Variants in ERC2 observed in about 807,000 individuals in gnomAD.
ERC2 encodes ERC protein 2.
Under a neutral mutation model 114.8 loss-of-function variants are expected in ERC2, and 42 were observed. The ratio of observed to expected loss-of-function variants is 0.37; its 90% CI spans 0.29 to 0.47. ERC2 has a LOEUF of 0.47. Among genes scored for constraint, ERC2 ranks in the 20% least tolerant of loss-of-function variants. ERC2 has a pLI of 0.99. For missense variants in ERC2, 939 were observed against 1,150.7 expected (o/e 0.82, Z 2.66); for synonymous variants, 454 against 425.5 (o/e 1.07, Z -0.82).
chr3:56,218,787 C>T (rs1449430250), intron 3 of ERC2, among the ~76,000 whole-genome samples: 2 of 152,116 alleles, frequency 1.3e-5, no homozygotes, highest in African/African-American at 4.8e-5. Flanking sequence ...GGCACATATA[C>T]ACCATGGAAT....
chr3:55,742,889 G>T (rs971142443), intron 14 of ERC2, among the ~76,000 whole-genome samples: 1 of 152,232 alleles, frequency 6.6e-6, no homozygotes, highest in African/African-American at 2.4e-5. Context: ...CCAGCAGAAT[G>T]ATGTATGATA....
chr3:56,327,224 G>A (rs554957450), intron 2 of ERC2, among the ~76,000 whole-genome samples: 30 of 152,314 alleles, frequency 2.0e-4, no homozygotes, highest in Admixed American at 3.3e-4. Flanking sequence ...GAAGCCTCAG[G>A]AAACTTACAA....
At chr3:56,030,435 T>C (rs1189752417) in intron 7 of ERC2, among the ~76,000 whole-genome samples, 2 of 152,208 alleles carry the variant, frequency 1.3e-5, no homozygotes, top group African/African-American at 2.4e-5. Flanking sequence ...CAAACTATAA[T>C]TGTGAATTCG....
At chr3:56,014,954 T>C (rs1284853445) in intron 8 of ERC2, among the ~76,000 whole-genome samples, 2 of 152,188 alleles carry the variant, frequency 1.3e-5, no homozygotes, top group African/African-American at 2.4e-5. Context: ...CAAAAAGTCA[T>C]CTTATTAAAT....
In ERC2 at chr3:56,434,844, G is replaced by A; in HGVS notation, c.164C>T (p.Ala55Val). 1 of 1,613,874 alleles carries A rather than the reference G, an allele frequency of 6.2e-7. No homozygotes were observed. Among genetic ancestry groups the A allele is most frequent in the Non-Finnish European group, 8.5e-7 (1 of 1,179,866 alleles). ...ATACATGGGTCCAGACGTAGCATAG[G>A]CTGCATTGAGGGACTGGATATTCTC... is the stretch of plus-strand genomic sequence containing the variant. Reference protein sequence around the residue: ...SMENIQSLNAAYATSGPMYLS... With the variant: ...SMENIQSLNAVYATSGPMYLS... The change falls in exon 2 of 18, where the codon GCC becomes GTC. Residue 55 changes from alanine (A) to valine (V), a missense_variant. By Grantham distance (64) the Ala-to-Val change is moderately conservative. This residue lies in a region of ERC2 where 281 missense variants were observed against 307.4 expected (regional missense o/e 0.91). Coordinates refer to ENST00000288221, the MANE Select transcript of ERC2 (RefSeq NM_015576.3).
intron 8 of ERC2, among the ~76,000 whole-genome samples, chr3:56,011,033 C>G (rs529239171): frequency 4.6e-5 from 7 of 152,330 alleles, no homozygotes; most frequent in Non-Finnish European, 7.3e-5. Context: ...TCATTGGTTT[C>G]TGAAGACTGT....
intron 13 of ERC2, among the ~76,000 whole-genome samples, chr3:55,894,392 C>A (rs1408745115): frequency 2.0e-5 from 3 of 151,940 alleles, no homozygotes; most frequent in African/African-American, 7.2e-5. Flanking sequence ...TATTAAAATG[C>A]CCAGAAGAAG....
intron 15 of ERC2, among the ~76,000 whole-genome samples, chr3:55,731,336 G>T (rs1282149403): frequency 6.6e-6 from 1 of 152,204 alleles, no homozygotes; most frequent in Non-Finnish European, 1.5e-5. Context: ...TACCTCTGAG[G>T]GTTGGCAGTG....
rs1434769701 is a variant in ERC2 at position 55,876,841 on chromosome 3, A to G, written c.2564+11548T>C. On this transcript the variant is annotated intron_variant, in intron 14 of 17. Coordinates refer to ENST00000288221, the MANE Select transcript of ERC2 (RefSeq NM_015576.3). The stretch of plus-strand genomic sequence containing the variant: ...GGATTTGAATCTGAGAACTGTGTCA[A>G]TTCCACTGGGGAGCTACATAGTGAG... 3.3e-5 allele frequency among the ~76,000 whole-genome samples: 5 copies of G among 152,316 alleles called. No individual in the cohort carries two copies. The South Asian group carries it at 6.2e-4, about 19-fold the overall frequency.
intron 2 of ERC2, among the ~76,000 whole-genome samples, chr3:56,428,578 A>G (rs1337061824): frequency 8.6e-6 from 1 of 115,876 alleles, no homozygotes; most frequent in Non-Finnish European, 1.9e-5. Context: ...GGAGGGGAGA[A>G]AAGAATTATT....
intron 2 of ERC2, among the ~76,000 whole-genome samples, chr3:56,304,384 G>C (rs572574796): frequency 6.6e-6 from 1 of 152,290 alleles, no homozygotes; most frequent in South Asian, 2.1e-4. Context: ...TACATAATCT[G>C]ACTCTAGAAG....
At chr3:55,671,460 C>T (rs1291418276) in intron 17 of ERC2, among the ~76,000 whole-genome samples, 2 of 152,158 alleles carry the variant, frequency 1.3e-5, no homozygotes, top group Non-Finnish European at 2.9e-5. Flanking sequence ...TAACTTGGGA[C>T]AGTGGTGGGC....
chr3:56,311,839 G>A (rs1407895107), intron 2 of ERC2, among the ~76,000 whole-genome samples: 2 of 151,504 alleles, frequency 1.3e-5, no homozygotes, highest in Non-Finnish European at 2.9e-5. Context: ...GTGTGTGTGT[G>A]TGTGTGTGTG....
At chr3:55,827,894 G>T (rs2060397245) in intron 14 of ERC2, among the ~76,000 whole-genome samples, 1 of 152,156 alleles carries the variant, frequency 6.6e-6, no homozygotes, top group Non-Finnish European at 1.5e-5. Flanking sequence ...TGTCATTTGG[G>T]ATATTCACAA....
intron 13 of ERC2, among the ~76,000 whole-genome samples, chr3:55,899,515 G>C (rs977009590): frequency 6.6e-6 from 1 of 151,998 alleles, no homozygotes; most frequent in Admixed American, 6.6e-5. Context: ...GTGTGTGTGA[G>C]AGAGAGAGTG....
chr3:55,772,472 G>C (rs896547281), intron 14 of ERC2, among the ~76,000 whole-genome samples: 1 of 152,114 alleles, frequency 6.6e-6, no homozygotes, highest in African/African-American at 2.4e-5. Flanking sequence ...CCGCCACCAC[G>C]CCTGGCTAAA....
At position 55,686,889 on chromosome 3, in the gene ERC2, A is replaced by G. The variant is rs2062362320; in HGVS notation, c.2848-3030T>C. Reference sequence around the variant, plus strand: ...GAAGAAAGACTCTAGTCCATCAGTCATCTGCATGCTTTTGTTCATCTGGGG... The same window carrying G: ...GAAGAAAGACTCTAGTCCATCAGTCGTCTGCATGCTTTTGTTCATCTGGGG... On this transcript the variant is annotated intron_variant, in intron 16 of 17. Transcript: ENST00000288221. Among the ~76,000 whole-genome samples the G allele has an allele frequency of 2.6e-5, 4 of 152,336 alleles. No homozygotes were observed. The South Asian group carries it at 8.3e-4, about 32-fold the overall frequency.
intron 13 of ERC2, among the ~76,000 whole-genome samples, chr3:55,930,273 C>T (rs1351648918): frequency 1.3e-5 from 2 of 150,832 alleles, no homozygotes; most frequent in Admixed American, 1.3e-4. Flanking sequence ...AAATAAATAA[C>T]CCAGTCTCAG....
At chr3:56,128,992 A>T (rs1165917123) in intron 6 of ERC2, among the ~76,000 whole-genome samples, 4 of 152,240 alleles carry the variant, frequency 2.6e-5, no homozygotes, top group Non-Finnish European at 4.4e-5. Context: ...TGAAAATTTT[A>T]AAAAATGCAA....
Sources: gnomAD v4.1 joint callset for allele counts (sites outside exome capture counted in the v4.1 genomes callset) on GRCh38, gnomAD v4.1.1 for gene constraint, gnomAD v4.1.1 regional missense constraint, MANE v1.5 for transcripts, NCBI Gene and HGNC (gene_info 2026-07-23, HGNC 2026-07-21) for gene names.